Variants in GPAT4 observed in about 807,000 individuals in gnomAD.
The protein encoded by GPAT4 is 1-AGP acyltransferase 6.
Under a neutral mutation model 58.0 loss-of-function variants are expected in GPAT4, and 17 were observed. That is an observed-to-expected ratio of 0.29 (90% confidence interval 0.20 to 0.44). The LOEUF is 0.44. GPAT4 is among the 20% of genes least tolerant of loss of function. The pLI is 1.00. For missense variants in GPAT4, 377 were observed against 574.5 expected, an observed-to-expected ratio of 0.66 and a Z score of 3.51; for synonymous variants, 204 against 210.1, an observed-to-expected ratio of 0.97 and a Z score of 0.25.
chr8:41,618,332 A>T (rs937454789), intron 10 of GPAT4, among the ~76,000 whole-genome samples: 4 of 152,198 alleles, frequency 2.6e-5, no homozygotes, highest in African/African-American at 9.7e-5. Flanking sequence ...GAATGGGTAC[A>T]TGGGAGTGCA....
chr8:41,604,198 A>G (rs1452244479), intron 2 of GPAT4, among the ~76,000 whole-genome samples: 1 of 152,204 alleles, frequency 6.6e-6, no homozygotes, highest in Non-Finnish European at 1.5e-5. Context: ...CATAAAGATC[A>G]TTAAAACTGG....
intron 2 of GPAT4, among the ~76,000 whole-genome samples, chr8:41,604,790 T>C (rs192823897): frequency 1.1e-4 from 16 of 152,176 alleles, no homozygotes; most frequent in Admixed American, 6.5e-4. Flanking sequence ...AGACTAGTGG[T>C]GGTGGCATTG....
At chr8:41,600,054 T>TTTTTTTTTTTTTG (rs1554502471) in intron 2 of GPAT4, among the ~76,000 whole-genome samples, 1 of 144,958 alleles carries the variant, frequency 6.9e-6, no homozygotes, top group Non-Finnish European at 1.5e-5. Context: ...TTTTTTTTTT[T>TTTTTTTTTTTTTG]CGAGACAAGA....
intron 1 of GPAT4, among the ~76,000 whole-genome samples, chr8:41,597,282 T>G (rs763515159): frequency 6.6e-6 from 1 of 152,228 alleles, no homozygotes; most frequent in Non-Finnish European, 1.5e-5. Context: ...GTTCAATTTC[T>G]TGTACTTCTA....
At chr8:41,619,558 C>T (rs1174846088) in intron 12 of GPAT4, among the ~76,000 whole-genome samples, 1 of 152,162 alleles carries the variant, frequency 6.6e-6, no homozygotes, top group Non-Finnish European at 1.5e-5. Flanking sequence ...TTTACAAAAA[C>T]AGGTATCAGC....
chr8:41,615,072 A>G (rs1411143956), intron 10 of GPAT4, 24 bp downstream of exon 10: 1 of 1,580,980 alleles, frequency 6.3e-7, no homozygotes, highest in Non-Finnish European at 8.7e-7. Flanking sequence ...GATGGTACAC[A>G]CTGTCATTAC....
intron 1 of GPAT4, among the ~76,000 whole-genome samples, chr8:41,579,963 C>G (rs560887235): frequency 2.0e-4 from 30 of 152,298 alleles, no homozygotes; most frequent in African/African-American, 6.7e-4. Context: ...TTGTCCAGAG[C>G]TGCAGGTCTT....
At chr8:41,581,872 A>T (rs1291989494) in intron 1 of GPAT4, among the ~76,000 whole-genome samples, 1 of 144,638 alleles carries the variant, frequency 6.9e-6, no homozygotes, top group African/African-American at 2.6e-5. Context: ...TGACCTCGTG[A>T]TCCCCCCGCC....
chr8:41,606,217 AC>A (rs1803266792), intron 2 of GPAT4, among the ~76,000 whole-genome samples: 1 of 152,232 alleles, frequency 6.6e-6, no homozygotes, highest in African/African-American at 2.4e-5. Flanking sequence ...AGTCAGAAGT[AC>A]GAGTCATGTG....
At chr8:41,590,458 C>T (rs762082501) in intron 1 of GPAT4, among the ~76,000 whole-genome samples, 20 of 152,298 alleles carry the variant, frequency 1.3e-4, no homozygotes, top group Admixed American at 1.0e-3. Context: ...GGCCTGGAGA[C>T]GAATGCTCTT....
intron 4 of GPAT4, 195 bp from the exon 5 acceptor site, chr8:41,610,541 C>A: frequency 6.8e-7 from 1 of 1,472,296 alleles, no homozygotes; most frequent in Admixed American, 2.2e-5. Context: ...ACCCATGGCT[C>A]ACTGTCAGCT....
chr8:41,610,955 G>A (rs1468148812), intron 5 of GPAT4, 145 bp downstream of exon 5: 7 of 808,182 alleles, frequency 8.7e-6, no homozygotes, highest in South Asian at 2.5e-5. Flanking sequence ...GGCCAGGCAC[G>A]GTGGCTCATG....
At chr8:41,586,786 C>A (rs1210872021) in intron 1 of GPAT4, among the ~76,000 whole-genome samples, 1 of 152,176 alleles carries the variant, frequency 6.6e-6, no homozygotes, top group East Asian at 1.9e-4. Context: ...AATTTGTGCT[C>A]AGAGATGGTT....
At chr8:41,607,562 A>G (rs1301574107) in intron 2 of GPAT4, among the ~76,000 whole-genome samples, 1 of 147,818 alleles carries the variant, frequency 6.8e-6, no homozygotes, top group African/African-American at 2.5e-5. Flanking sequence ...TTTTTGAGAC[A>G]GGGTCTTGCT....
At chr8:41,603,829 A>AATTC (rs1450389788) in intron 2 of GPAT4, among the ~76,000 whole-genome samples, 1 of 152,186 alleles carries the variant, frequency 6.6e-6, no homozygotes, top group African/African-American at 2.4e-5. Context: ...TGAGGCCCTG[A>AATTC]AGGCCAGCAC....
intron 1 of GPAT4, among the ~76,000 whole-genome samples, chr8:41,593,702 T>A (rs1454817851): frequency 1.3e-5 from 2 of 152,218 alleles, no homozygotes; most frequent in Non-Finnish European, 2.9e-5. Context: ...CTTTTCACCC[T>A]TTGATGAGAA....
In GPAT4 at chr8:41,623,575, C is replaced by CT. The variant is rs1345982974; in HGVS notation, c.*2575dup. On this transcript the variant is annotated 3_prime_UTR_variant, in exon 13 of 13. Transcript: ENST00000396987. ...GAGACCTCGTCCACCTCTGAATTCT[C>CT]TGTTTTTAAGCCCATAGTTCAAACT... 1 of 152,214 alleles carries CT rather than the reference C, an allele frequency of 6.6e-6. No individual in the cohort carries two copies. The highest frequency in any genetic ancestry group is 1.5e-5 in the Non-Finnish European group (1 of 68,032). 9.4% of individuals were successfully genotyped at this position (152,214 alleles called of 1,614,324 possible).
At chr8:41,592,585 C>G (rs532486007) in intron 1 of GPAT4, among the ~76,000 whole-genome samples, 1 of 152,284 alleles carries the variant, frequency 6.6e-6, no homozygotes, top group East Asian at 1.9e-4. Flanking sequence ...TCTCGGGCTT[C>G]TCATGGCCAT....
chr8:41,614,296 A>C, intron 8 of GPAT4, 90 bp from the exon 9 acceptor site: 1 of 1,087,266 alleles, frequency 9.2e-7, no homozygotes, highest in Non-Finnish European at 1.3e-6. Context: ...AATCGAAACT[A>C]GTGTCACAAA....
Sources: gnomAD v4.1 joint callset for allele counts (sites outside exome capture counted in the v4.1 genomes callset) on GRCh38, gnomAD v4.1.1 for gene constraint, MANE v1.5 for transcripts, NCBI Gene and HGNC (gene_info 2026-07-23, HGNC 2026-07-21) for gene names.